Variants in CCSER1 observed in about 807,000 individuals in gnomAD.
CCSER1 encodes the protein serine-rich coiled-coil domain-containing protein 1.
Under a neutral mutation model 82.0 loss-of-function variants are expected in CCSER1, and 41 were observed. That is an observed-to-expected ratio of 0.50 (90% CI 0.39 to 0.65). The LOEUF (loss-of-function observed/expected upper bound fraction) is 0.65, where lower values mean the gene tolerates loss of function less well. Ranked by LOEUF, CCSER1 falls within the 30% of genes least tolerant of loss-of-function variation. The pLI, the probability that CCSER1 is intolerant of heterozygous loss-of-function variation, is 0.00. For synonymous variants in CCSER1, 414 were observed against 383.9 expected (o/e 1.08, Z -0.92); for missense variants, 1,119 against 1,064.2 (o/e 1.05, Z -0.72).
intron 8 of CCSER1, among the ~76,000 whole-genome samples, chr4:90,830,317 T>C (rs1452831552): frequency 6.6e-6 from 1 of 152,226 alleles, no homozygotes; most frequent in Non-Finnish European, 1.5e-5. Context: ...GGCTCAAAGA[T>C]GTTAAATAAA....
At position 90,617,295 on chromosome 4, in the gene CCSER1, G is replaced by T. The variant is rs141363520; in HGVS notation, c.1725-10730G>T. On this transcript the variant is annotated intron_variant, in intron 5 of 10. Transcript: ENST00000509176. ...ATCTCTGAAGAGGAAAGAGCAAAAT[G>T]GAGCTTTTATTCTCTCACCTCTTCT... Among the ~76,000 whole-genome samples the T allele has an allele frequency of 4.5e-4, 69 of 152,168 alleles. No homozygotes were observed. The East Asian group carries it at 0.012, about 27-fold the overall frequency.
chr4:91,079,528 C>G (rs1484667541), intron 9 of CCSER1, among the ~76,000 whole-genome samples: 1 of 152,090 alleles, frequency 6.6e-6, no homozygotes, highest in Non-Finnish European at 1.5e-5. Context: ...AGCAAAATAA[C>G]CAGCTAACAT....
At chr4:91,070,119 G>C (rs185246288) in intron 9 of CCSER1, among the ~76,000 whole-genome samples, 3 of 151,862 alleles carry the variant, frequency 2.0e-5, no homozygotes, top group East Asian at 3.9e-4. Flanking sequence ...CAAGTAGCTG[G>C]GATTACAGGT....
At chr4:91,295,901 C>G (rs1447710013) in intron 10 of CCSER1, among the ~76,000 whole-genome samples, 1 of 151,504 alleles carries the variant, frequency 6.6e-6, no homozygotes, top group Non-Finnish European at 1.5e-5. Flanking sequence ...ATATTTTATG[C>G]AGAAAAAAAT....
chr4:91,176,727 A>T (rs1029769840), intron 10 of CCSER1, among the ~76,000 whole-genome samples: 3 of 152,148 alleles, frequency 2.0e-5, no homozygotes, highest in Admixed American at 6.5e-5. Flanking sequence ...GGGCTGAGAC[A>T]ATGGGATTTT....
intron 10 of CCSER1, among the ~76,000 whole-genome samples, chr4:91,459,179 T>C (rs1380218723): frequency 1.3e-5 from 2 of 152,104 alleles, no homozygotes; most frequent in Non-Finnish European, 2.9e-5. Context: ...AAAGAAGCAC[T>C]GGGGATAATG....
At chr4:91,178,879 C>T (rs539098643) in intron 10 of CCSER1, among the ~76,000 whole-genome samples, 1 of 152,268 alleles carries the variant, frequency 6.6e-6, no homozygotes, top group East Asian at 1.9e-4. Context: ...TTATTTGATG[C>T]AGTTTCTTCC....
chr4:90,633,328 A>G (rs752247902), intron 6 of CCSER1, among the ~76,000 whole-genome samples: 12 of 152,032 alleles, frequency 7.9e-5, no homozygotes, highest in Admixed American at 6.5e-5. Context: ...AAAGAAGTGT[A>G]CAATATGTTT....
chr4:90,241,278 T>G (rs1746784773), intron 1 of CCSER1, among the ~76,000 whole-genome samples: 1 of 152,224 alleles, frequency 6.6e-6, no homozygotes, highest in Non-Finnish European at 1.5e-5. Flanking sequence ...ACTTTCATGT[T>G]CATATACTGT....
At chr4:90,919,681 T>C (rs1728092083) in intron 8 of CCSER1, among the ~76,000 whole-genome samples, 1 of 151,888 alleles carries the variant, frequency 6.6e-6, no homozygotes, top group African/African-American at 2.4e-5. Flanking sequence ...ATTGATTACT[T>C]TTAATCTCAG....
At chr4:91,582,792 C>T (rs534388216) in intron 10 of CCSER1, among the ~76,000 whole-genome samples, 32 of 151,520 alleles carry the variant, frequency 2.1e-4, no homozygotes, top group African/African-American at 7.2e-4. Flanking sequence ...ATTCATCTTA[C>T]AGTATACTGC....
intron 5 of CCSER1, among the ~76,000 whole-genome samples, chr4:90,592,938 T>G (rs1782884876): frequency 6.6e-6 from 1 of 152,152 alleles, no homozygotes; most frequent in Non-Finnish European, 1.5e-5. Flanking sequence ...CAGGCTGGTG[T>G]GGTAAGATCA....
At chr4:90,383,807 T>G (rs557114061) in intron 3 of CCSER1, among the ~76,000 whole-genome samples, 1 of 152,150 alleles carries the variant, frequency 6.6e-6, no homozygotes, top group South Asian at 2.1e-4. Flanking sequence ...TAATAGGTCT[T>G]TGTAACTGTA....
intron 10 of CCSER1, among the ~76,000 whole-genome samples, chr4:91,206,134 T>C (rs895905182): frequency 4.0e-5 from 6 of 151,872 alleles, no homozygotes; most frequent in Non-Finnish European, 8.8e-5. Flanking sequence ...TATGAAAATA[T>C]GGAATGAAGA....
intron 10 of CCSER1, among the ~76,000 whole-genome samples, chr4:91,589,921 C>G (rs1205529059): frequency 6.6e-6 from 1 of 151,986 alleles, no homozygotes; most frequent in African/African-American, 2.4e-5. Context: ...CACACTCTCT[C>G]ACACATACAT....
rs933275275 is a variant in CCSER1 at position 91,294,217 on chromosome 4, A to G, written c.2217+208223A>G. Reference sequence around the variant, plus strand: ...TTTTTATGATACTCATTTCTAAATCATCAGCAATATAGAAATATATGTGAA... The same window carrying G: ...TTTTTATGATACTCATTTCTAAATCGTCAGCAATATAGAAATATATGTGAA... On this transcript the variant is annotated intron_variant, in intron 10 of 10. Transcript: ENST00000509176. Among the ~76,000 whole-genome samples the G allele has an allele frequency of 3.8e-4, 57 of 152,000 alleles. 1 individual carries two copies. Among genetic ancestry groups the G allele is most frequent in the Non-Finnish European group, 7.4e-5 (5 of 67,950 alleles).
intron 5 of CCSER1, among the ~76,000 whole-genome samples, chr4:90,586,791 G>T (rs1782068848): frequency 6.6e-6 from 1 of 152,154 alleles, no homozygotes; most frequent in Non-Finnish European, 1.5e-5. Context: ...AAATTTTATA[G>T]AATAAGGAAG....
intron 6 of CCSER1, among the ~76,000 whole-genome samples, chr4:90,668,443 A>G (rs1197317960): frequency 2.0e-5 from 3 of 152,180 alleles, no homozygotes; most frequent in Non-Finnish European, 2.9e-5. Flanking sequence ...AGTTCAAATT[A>G]CGCGATTGAT....
chr4:90,875,092 A>C (rs1290099585), intron 8 of CCSER1, among the ~76,000 whole-genome samples: 1 of 152,076 alleles, frequency 6.6e-6, no homozygotes, highest in Non-Finnish European at 1.5e-5. Flanking sequence ...CAAAAACTGC[A>C]TCATCTCTCT....
Sources: allele counts gnomAD v4.1 joint callset (sites outside exome capture counted in the v4.1 genomes callset), GRCh38; gene constraint gnomAD v4.1.1; transcripts MANE v1.5; gene names NCBI Gene and HGNC (gene_info 2026-07-23, HGNC 2026-07-21).